The following FAM227A variants were observed in gnomAD, a reference collection of about 807,000 sequenced individuals.
FAM227A encodes protein FAM227A.
Under a neutral mutation model 74.7 loss-of-function variants are expected in FAM227A, and 80 were observed. That is an observed-to-expected ratio of 1.07 (90% confidence interval 0.89 to 1.29). The LOEUF (loss-of-function observed/expected upper bound fraction) is 1.29. FAM227A is among the 50% of genes most tolerant of loss of function. FAM227A has a pLI of 0.00. For synonymous variants in FAM227A, 237 were observed against 241.8 expected (o/e 0.98, Z 0.19); for missense variants, 654 against 683.4 (o/e 0.96, Z 0.48).
chr22:38,615,825 A>G (rs1481366961), intron 11 of FAM227A, among the ~76,000 whole-genome samples: 2 of 152,202 alleles, frequency 1.3e-5, no homozygotes, highest in African/African-American at 2.4e-5. Context: ...TGCTACAAGT[A>G]AAAGAAAGGA....
chr22:38,638,603 A>G, intron 5 of FAM227A, 143 bp downstream of exon 5: 1 of 673,438 alleles, frequency 1.5e-6, no homozygotes. Context: ...GGGTGTTATG[A>G]GAAATTCTAG....
chr22:38,647,193 G>A lies in FAM227A; in HGVS notation c.143-1548C>T, dbSNP rs558002569. Among the ~76,000 whole-genome samples, 8 of 151,704 alleles carry A rather than the reference G, an allele frequency of 5.3e-5. No homozygotes were observed. The East Asian group carries it at 1.2e-3, about 22-fold the overall frequency. On this transcript the variant is annotated intron_variant, in intron 2 of 16. Coordinates refer to ENST00000535113, the MANE Select transcript of FAM227A (RefSeq NM_001013647.2). ...CAAAACAATGCTGTGTGCCAGGCAC[G>A]GTGGCTCACGCCTGTAATCTCAGCC...
intron 10 of FAM227A, among the ~76,000 whole-genome samples, chr22:38,621,362 A>C (rs1296855166): frequency 6.7e-6 from 1 of 150,230 alleles, no homozygotes; most frequent in Non-Finnish European, 1.5e-5. Flanking sequence ...AAAAAAAAAA[A>C]AGAAAGAAAA....
At chr22:38,638,170 GAAAA>G (rs910302688) in intron 5 of FAM227A, among the ~76,000 whole-genome samples, 2 of 151,858 alleles carry the variant, frequency 1.3e-5, no homozygotes, top group Non-Finnish European at 2.9e-5. Context: ...ATCTCAAAAA[GAAAA>G]AAAGAAATAA....
At chr22:38,637,521 AC>A (rs1402875649) in intron 5 of FAM227A, among the ~76,000 whole-genome samples, 1 of 152,254 alleles carries the variant, frequency 6.6e-6, no homozygotes, top group East Asian at 1.9e-4. Flanking sequence ...AATTACCGCC[AC>A]CCAAAGGTGC....
chr22:38,649,967 T>A, intron 2 of FAM227A, 60 bp downstream of exon 2: 1 of 1,486,508 alleles, frequency 6.7e-7, no homozygotes, highest in South Asian at 1.2e-5. Flanking sequence ...TAGATCTCTG[T>A]GGCATGACTC....
intron 1 of FAM227A, among the ~76,000 whole-genome samples, chr22:38,655,119 G>A (rs5757210): frequency 0.3 from 44,222 of 149,016 alleles, 6,610 homozygotes; most frequent in East Asian, 0.36. Context: ...CAGCCTGGGC[G>A]ACAGAGCGAG....
At chr22:38,607,537 T>C (rs2091311559) in intron 11 of FAM227A, 61 bp from the exon 12 acceptor site, 5 of 1,170,112 alleles carry the variant, frequency 4.3e-6, no homozygotes, top group South Asian at 1.3e-5. Flanking sequence ...CAAAATAAAA[T>C]TGGCAGTGAG....
At chr22:38,653,701 C>G (rs1363045308) in intron 1 of FAM227A, 1 of 152,176 alleles carries the variant, frequency 6.6e-6, no homozygotes, top group Admixed American at 6.6e-5. Context: ...CATCCCAAAA[C>G]CATCCCCCCC....
intron 11 of FAM227A, among the ~76,000 whole-genome samples, chr22:38,614,565 CTT>C (rs2091536660): frequency 6.6e-6 from 1 of 152,202 alleles, no homozygotes; most frequent in Non-Finnish European, 1.5e-5. Context: ...ACAGCCAGCT[CTT>C]TCATTGAGCA....
chr22:38,643,208 C>A (rs1040638748), intron 3 of FAM227A, among the ~76,000 whole-genome samples: 1 of 148,192 alleles, frequency 6.7e-6, no homozygotes, highest in Admixed American at 6.8e-5. Flanking sequence ...CCCAGCTACT[C>A]AGGAGGCCGA....
intron 8 of FAM227A, among the ~76,000 whole-genome samples, chr22:38,626,908 A>G (rs1182453608): frequency 4.9e-5 from 6 of 121,992 alleles, no homozygotes; most frequent in East Asian, 2.4e-4. Flanking sequence ...ATATATATAT[A>G]TATATACACG....
At chr22:38,613,138 TA>T (rs1373111016) in intron 11 of FAM227A, among the ~76,000 whole-genome samples, 1 of 88,946 alleles carries the variant, frequency 1.1e-5, no homozygotes, top group Non-Finnish European at 2.0e-5. Context: ...ATATATATAA[TA>T]TATATATTAT....
intron 15 of FAM227A, among the ~76,000 whole-genome samples, chr22:38,592,558 T>A (rs1190897385): frequency 6.6e-6 from 1 of 152,136 alleles, no homozygotes; most frequent in Admixed American, 6.5e-5. Flanking sequence ...CTGGATGAAA[T>A]GTGGACGTGG....
chr22:38,646,573 A>T (rs1408536485), intron 2 of FAM227A, among the ~76,000 whole-genome samples: 1 of 151,716 alleles, frequency 6.6e-6, no homozygotes, highest in Non-Finnish European at 1.5e-5. Flanking sequence ...AGTATTTCTT[A>T]CATACATATT....
rs1423925306 is a variant in FAM227A, at chr22:38,580,682, T to G, written c.*5443A>C. 1.3e-5 allele frequency: 2 copies of G among 152,218 alleles called. No individual in the cohort carries two copies. Among genetic ancestry groups the G allele is most frequent in the Admixed American group, 6.5e-5 (1 of 15,280 alleles). The allele number at this position is 152,218 out of a possible 1,614,324, so 9.4% of individuals were successfully genotyped here. A position where few individuals can be genotyped will look rare whatever the true frequency, so the allele number is the denominator to read the frequency against. On this transcript the variant is annotated 3_prime_UTR_variant, in exon 17 of 17. Coordinates refer to ENST00000535113, the MANE Select transcript of FAM227A (RefSeq NM_001013647.2). ...ACTATTTGGTTACCTGGTAATACAG[T>G]TCATATGGGAATGGCATGATAAATG...
intron 2 of FAM227A, 22 bp downstream of exon 2, chr22:38,650,005 G>A (rs1364957561): frequency 1.9e-6 from 3 of 1,551,534 alleles, no homozygotes; most frequent in Non-Finnish European, 8.7e-7. Flanking sequence ...TCTGATTGTA[G>A]GTGACATCAC....
At chr22:38,591,254 G>C in intron 16 of FAM227A, 181 bp downstream of exon 16, 2 of 1,207,858 alleles carry the variant, frequency 1.7e-6, no homozygotes, top group Non-Finnish European at 2.1e-6. Flanking sequence ...AGCCCAGGAG[G>C]TGGAGGCTGC....
At chr22:38,652,089 G>C (rs915853791) in intron 1 of FAM227A, among the ~76,000 whole-genome samples, 84 of 151,992 alleles carry the variant, frequency 5.5e-4, no homozygotes, top group African/African-American at 1.9e-3. Context: ...GGGAGGCTGA[G>C]GCAGGAGAAT....
Sources: allele counts gnomAD v4.1 joint callset (sites outside exome capture counted in the v4.1 genomes callset), GRCh38; gene constraint gnomAD v4.1.1; transcripts MANE v1.5; gene names NCBI Gene and HGNC (gene_info 2026-07-23, HGNC 2026-07-21).